ARHGEF3: variants seen among roughly 807,000 people sequenced by gnomAD.
ARHGEF3 encodes the protein 59.8 kDA protein.
In ARHGEF3, 28 loss-of-function variants were observed where a neutral mutation model predicts 63.2. The ratio of observed to expected loss-of-function variants is 0.44; its 90% CI spans 0.33 to 0.61. The LOEUF is 0.61. Among genes scored for constraint, ARHGEF3 ranks in the 20% least tolerant of loss-of-function variants. ARHGEF3 has a pLI of 0.03. For synonymous variants in ARHGEF3, 266 were observed against 254.2 expected (o/e 1.05, Z -0.44); for missense variants, 533 against 659.3 (o/e 0.81, Z 2.10).
chr3:57,053,053 C>T (rs910437481), intron 1 of ARHGEF3, among the ~76,000 whole-genome samples: 1 of 152,218 alleles, frequency 6.6e-6, no homozygotes, highest in African/African-American at 2.4e-5. Flanking sequence ...TACCCACCAC[C>T]ACCATTTAAT....
intron 1 of ARHGEF3, among the ~76,000 whole-genome samples, chr3:56,783,902 AAC>A (rs2036675296): frequency 6.6e-6 from 1 of 152,208 alleles, no homozygotes; most frequent in Admixed American, 6.5e-5. Flanking sequence ...ACAGCCCTAA[AAC>A]ATTGAAGTTT....
At chr3:56,918,184 C>T (rs914360097) in intron 3 of ARHGEF3, among the ~76,000 whole-genome samples, 3 of 152,152 alleles carry the variant, frequency 2.0e-5, no homozygotes, top group South Asian at 4.1e-4. Flanking sequence ...ACAATTCAGC[C>T]GATGAAGAAA....
intron 2 of ARHGEF3, among the ~76,000 whole-genome samples, chr3:57,025,635 G>A (rs34957219): frequency 0.32 from 48,600 of 152,076 alleles, 8,483 homozygotes; most frequent in Non-Finnish European, 0.38. Context: ...AAAGCCAGAC[G>A]TGAACCTAGG....
intron 4 of ARHGEF3, among the ~76,000 whole-genome samples, chr3:56,845,870 A>C (rs1337526165): frequency 6.6e-6 from 1 of 152,250 alleles, no homozygotes; most frequent in Non-Finnish European, 1.5e-5. Flanking sequence ...AACAGACCAC[A>C]CCGAAGTTGT....
Position 56,965,611 on chromosome 3 carries a change from A to G in ARHGEF3, c.63-6722T>C, listed in dbSNP as rs375653812. ...AAGAAGTATGACAACTTTAATGTTT[A>G]TTGATAAGGAAGTAGATTAAATGAA... is the stretch of plus-strand genomic sequence containing the variant. On this transcript the variant is annotated intron_variant, in intron 2 of 12. Transcript: ENST00000338458. Among the ~76,000 whole-genome samples the G allele has an allele frequency of 3.0e-4, 45 of 150,932 alleles. No individual in the cohort carries two copies. The South Asian group carries it at 9.0e-3, about 30-fold the overall frequency.
chr3:57,073,389 A>G (rs1310357573), intron 1 of ARHGEF3: 1 of 314,136 alleles, frequency 3.2e-6, no homozygotes, highest in Admixed American at 4.5e-5. Context: ...AAAGAGAGAG[A>G]AAGCCACTGG....
intron 2 of ARHGEF3, among the ~76,000 whole-genome samples, chr3:57,003,717 C>T (rs1258114122): frequency 6.6e-6 from 1 of 152,126 alleles, no homozygotes; most frequent in Non-Finnish European, 1.5e-5. Context: ...GACCCTCTGA[C>T]AGGGAAGCAA....
chr3:56,950,045 T>C (rs1232823763), intron 3 of ARHGEF3, among the ~76,000 whole-genome samples: 2 of 152,076 alleles, frequency 1.3e-5, no homozygotes, highest in Non-Finnish European at 2.9e-5. Context: ...ATTTCCTATT[T>C]AATAAATGGT....
intron 2 of ARHGEF3, among the ~76,000 whole-genome samples, chr3:56,998,369 G>A (rs1310993898): frequency 6.6e-6 from 1 of 151,734 alleles, no homozygotes; most frequent in Non-Finnish European, 1.5e-5. Context: ...ATAGGACCAG[G>A]AAGGTGGCTT....
chr3:56,856,551 C>T (rs1345913044), intron 4 of ARHGEF3, among the ~76,000 whole-genome samples: 1 of 152,032 alleles, frequency 6.6e-6, no homozygotes, highest in Non-Finnish European at 1.5e-5. Context: ...CCCCCTTCCC[C>T]ACCACCCACC....
chr3:56,737,367 A>C lies in ARHGEF3; in HGVS notation c.871-12T>G, dbSNP rs1392480112. On this transcript the variant is annotated splice_polypyrimidine_tract_variant and intron_variant, in intron 7 of 9. Coordinates refer to ENST00000296315, the MANE Select transcript of ARHGEF3 (RefSeq NM_019555.3). ...TGAATGATATTTATCTATGAAAACAAAGAGGAAAATTAAGTATGGAGGAAA... is the reference window on the plus strand; with the variant it reads ...TGAATGATATTTATCTATGAAAACACAGAGGAAAATTAAGTATGGAGGAAA... 1 of 1,604,168 alleles carries C rather than the reference A, an allele frequency of 6.2e-7. No homozygotes were observed. Among genetic ancestry groups the C allele is most frequent in the Admixed American group, 1.7e-5 (1 of 59,620 alleles).
chr3:57,039,239 C>A (rs1284376962), intron 1 of ARHGEF3, among the ~76,000 whole-genome samples: 1 of 152,202 alleles, frequency 6.6e-6, no homozygotes, highest in Non-Finnish European at 1.5e-5. Context: ...TCCTGCAAAG[C>A]ACAACTGCGT....
At chr3:56,812,540 TC>T (rs1310375418) in intron 4 of ARHGEF3, among the ~76,000 whole-genome samples, 4 of 152,238 alleles carry the variant, frequency 2.6e-5, no homozygotes, top group African/African-American at 9.6e-5. Context: ...TTTCTTTCAT[TC>T]CCTTCTCTAG....
chr3:57,007,118 C>G, intron 2 of ARHGEF3: 4 of 1,190,488 alleles, frequency 3.4e-6, no homozygotes, highest in Non-Finnish European at 4.3e-6. Context: ...TGTACAGTTA[C>G]TTGTGCACTT....
intron 2 of ARHGEF3, among the ~76,000 whole-genome samples, 181 bp downstream of exon 2, chr3:56,773,528 C>T (rs928127380): frequency 7.2e-5 from 11 of 152,162 alleles, no homozygotes; most frequent in African/African-American, 2.7e-4. Context: ...CTCTGCATGA[C>T]CCTTGACTGC....
intron 4 of ARHGEF3, among the ~76,000 whole-genome samples, chr3:56,873,920 T>C (rs969112349): frequency 4.6e-5 from 7 of 152,188 alleles, no homozygotes; most frequent in African/African-American, 7.2e-5. Flanking sequence ...TGAAGGGGAA[T>C]GGGAAAAGGT....
chr3:56,801,195 G>A (rs2037631628), intron 1 of ARHGEF3, among the ~76,000 whole-genome samples: 3 of 152,258 alleles, frequency 2.0e-5, no homozygotes, highest in Admixed American at 1.3e-4. Context: ...GAGGCGCTGT[G>A]TCCTGTTTTT....
intron 3 of ARHGEF3, among the ~76,000 whole-genome samples, chr3:56,923,077 A>AT (rs2042191813): frequency 2.3e-4 from 23 of 98,328 alleles, no homozygotes; most frequent in Admixed American, 9.5e-4. Context: ...TATATATATA[A>AT]ATTAGTTGGG....
chr3:56,970,887 T>G (rs985865126), intron 2 of ARHGEF3, among the ~76,000 whole-genome samples: 1 of 152,322 alleles, frequency 6.6e-6, no homozygotes, highest in Non-Finnish European at 1.5e-5. Flanking sequence ...TTAATATCTC[T>G]GATTCCTAGT....
Sources: gnomAD v4.1 joint callset for allele counts (sites outside exome capture counted in the v4.1 genomes callset) on GRCh38, gnomAD v4.1.1 for gene constraint, MANE v1.5 for transcripts, NCBI Gene and HGNC (gene_info 2026-07-23, HGNC 2026-07-21) for gene names.